The following TENM1 variants were observed in gnomAD, a reference collection of about 807,000 sequenced individuals.
The protein encoded by TENM1 is teneurin-1.
Under a neutral mutation model 174.8 loss-of-function variants are expected in TENM1, and 35 were observed. That is an observed-to-expected ratio of 0.20 (90% CI 0.15 to 0.27). The LOEUF is 0.27. TENM1 is among the 10% of genes least tolerant of loss of function. TENM1 has a pLI of 1.00. For synonymous variants in TENM1, 781 were observed against 798.7 expected (o/e 0.98, Z 0.37); for missense variants, 1,633 against 2,130.1 (o/e 0.77, Z 4.59).
intron 5 of TENM1, 134 bp downstream of exon 8, chrX:124,704,879 T>C (rs773869402): frequency 4.4e-6 from 2 of 453,697 alleles, no homozygotes; most frequent in South Asian, 1.0e-4. Flanking sequence ...AAGAAGAAAA[T>C]CAATTTGTTA....
chrX:125,001,852 T>TAG, the TENM1 span, among the ~76,000 whole-genome samples: 269 of 84,923 alleles, frequency 3.2e-3, 2 homozygotes, highest in African/African-American at 0.01. Flanking sequence ...TATAGATAGA[T>TAG]ACACACACAC....
intron 3 of TENM1, among the ~76,000 whole-genome samples, chrX:124,863,919 T>C (rs2056958836): frequency 8.9e-6 from 1 of 112,531 alleles, no homozygotes; most frequent in African/African-American, 3.2e-5. Context: ...ATAGACTCTG[T>C]TTCTTTGAGA....
At chrX:124,865,032 G>A (rs1346622927) in intron 3 of TENM1, among the ~76,000 whole-genome samples, 1 of 111,330 alleles carries the variant, frequency 9.0e-6, no homozygotes, top group Admixed American at 9.5e-5. Flanking sequence ...CTTCAAGCAC[G>A]AAGGAGAAAC....
rs906206437 is a variant in TENM1, at chrX:124,720,132, C to T, written c.777-14881G>A. On this transcript the variant is annotated intron_variant, in intron 4 of 31. Transcript: ENST00000422452. ...TAAAATTCGAAGGCCCCAAATCATCCGAATGGACCCCTCCTCTTGGCCAAG... is the reference window on the plus strand; with the variant it reads ...TAAAATTCGAAGGCCCCAAATCATCTGAATGGACCCCTCCTCTTGGCCAAG... 5.4e-5 allele frequency among the ~76,000 whole-genome samples: 6 copies of T among 111,607 alleles called. No individual in the cohort carries two copies. In the Admixed American group the frequency reaches 5.7e-4, roughly 11 times the overall value.
chrX:125,083,314 C>T, the TENM1 span, among the ~76,000 whole-genome samples: 1 of 111,176 alleles, frequency 9.0e-6, no homozygotes, highest in Non-Finnish European at 1.9e-5. Flanking sequence ...AATTATTGTA[C>T]TTTGATTCCA....
the TENM1 span, among the ~76,000 whole-genome samples, chrX:124,970,132 T>G: frequency 9.0e-6 from 1 of 111,559 alleles, no homozygotes; most frequent in African/African-American, 3.3e-5. Context: ...GGATAACCTT[T>G]CCTCCACTAT....
intron 25 of TENM1, among the ~76,000 whole-genome samples, chrX:124,416,985 A>C (rs2060600951): frequency 9.0e-6 from 1 of 111,478 alleles, no homozygotes; most frequent in Non-Finnish European, 1.9e-5. Flanking sequence ...CCAGACACTG[A>C]CTCTGCTGGC....
At chrX:124,571,108 C>G (rs973874909) in intron 11 of TENM1, among the ~76,000 whole-genome samples, 5 of 111,726 alleles carry the variant, frequency 4.5e-5, no homozygotes, top group Non-Finnish European at 9.4e-5. Flanking sequence ...ATCTACAAAG[C>G]AAGACTCAAT....
intron 20 of TENM1, among the ~76,000 whole-genome samples, chrX:124,487,810 C>T (rs1402079241): frequency 8.9e-6 from 1 of 111,832 alleles, no homozygotes; most frequent in South Asian, 3.8e-4. Flanking sequence ...AACACTAACC[C>T]TAAGCCACTT....
intron 3 of TENM1, among the ~76,000 whole-genome samples, chrX:124,875,867 C>A (rs1309120974): frequency 1.4e-5 from 1 of 70,213 alleles, no homozygotes; most frequent in Non-Finnish European, 2.4e-5. Context: ...CTGAGTGAGA[C>A]TGTCTCAAAA....
intron 4 of TENM1, among the ~76,000 whole-genome samples, chrX:124,720,877 G>A (rs966181064): frequency 1.8e-5 from 2 of 111,555 alleles, no homozygotes; most frequent in African/African-American, 6.5e-5. Flanking sequence ...AAAGAATCAT[G>A]ACTGCTCAAC....
intron 17 of TENM1, among the ~76,000 whole-genome samples, chrX:124,521,044 G>A (rs1440459233): frequency 9.0e-6 from 1 of 111,679 alleles, no homozygotes; most frequent in Non-Finnish European, 1.9e-5. Context: ...GAAAGATTGT[G>A]TAAGGAACAA....
chrX:124,608,310 G>A (rs1177966654), intron 11 of TENM1, among the ~76,000 whole-genome samples: 3 of 111,507 alleles, frequency 2.7e-5, no homozygotes, highest in Non-Finnish European at 5.7e-5. Flanking sequence ...GCTTTCCAAA[G>A]CCATGTTCAT....
chrX:124,676,202 A>T (rs1303817742), intron 5 of TENM1, among the ~76,000 whole-genome samples: 1 of 90,518 alleles, frequency 1.1e-5, no homozygotes, highest in Non-Finnish European at 2.2e-5. Context: ...GATGTAATAT[A>T]AGCACTCTTG....
At chrX:124,969,826 T>C in the TENM1 span, among the ~76,000 whole-genome samples, 1 of 112,086 alleles carries the variant, frequency 8.9e-6, no homozygotes, top group Non-Finnish European at 1.9e-5. Context: ...CTCAGGGCAT[T>C]CTTTTTCTAA....
intron 11 of TENM1, among the ~76,000 whole-genome samples, chrX:124,623,315 A>G (rs1002070712): frequency 9.0e-6 from 1 of 110,912 alleles, no homozygotes; most frequent in Non-Finnish European, 1.9e-5. Context: ...GAGAGTGTAT[A>G]AGGGTTGTTT....
chrX:124,959,607 A>C (rs956727735), intron 1 of TENM1, among the ~76,000 whole-genome samples: 1 of 110,972 alleles, frequency 9.0e-6, no homozygotes, highest in Admixed American at 9.6e-5. Flanking sequence ...TCTGAATCCT[A>C]GACACACTTT....
chrX:124,944,840 A>G lies in TENM1; in HGVS notation c.217+18697T>C, dbSNP rs763379995. On this transcript the variant is annotated intron_variant, in intron 1 of 31. Transcript: ENST00000422452. ...TATGTATATAGAAATATAAATAAATATGTAAAGCATAAAGAGAAATAAGCA... is the reference window on the plus strand; with the variant it reads ...TATGTATATAGAAATATAAATAAATGTGTAAAGCATAAAGAGAAATAAGCA... 6.3e-5 allele frequency among the ~76,000 whole-genome samples: 7 copies of G among 110,827 alleles called. No homozygotes were observed. The East Asian group carries it at 1.4e-3, about 22-fold the overall frequency.
At chrX:124,465,858 T>G (rs1326828684) in intron 22 of TENM1, among the ~76,000 whole-genome samples, 1 of 111,469 alleles carries the variant, frequency 9.0e-6, no homozygotes, top group Non-Finnish European at 1.9e-5. Flanking sequence ...AATATTCCAC[T>G]CAAGGGCAGG....
Sources: allele counts gnomAD v4.1 joint callset (sites outside exome capture counted in the v4.1 genomes callset), GRCh38; gene constraint gnomAD v4.1.1; transcripts MANE v1.5; gene names NCBI Gene and HGNC (gene_info 2026-07-23, HGNC 2026-07-21).